RBFOX1: variants seen among roughly 807,000 people sequenced by gnomAD.
RBFOX1 encodes the protein RNA binding protein fox-1 homolog 1.
Under a neutral mutation model 57.7 loss-of-function variants are expected in RBFOX1, and 8 were observed. That is an observed-to-expected ratio of 0.14 (90% CI 0.08 to 0.25). The LOEUF is 0.25. RBFOX1 is among the 10% of genes least tolerant of loss of function. The probability of loss-of-function intolerance (pLI) is 1.00; values close to 1 mark genes in which losing one functional copy is unlikely to be tolerated. For synonymous variants in RBFOX1, 326 were observed against 222.4 expected (o/e 1.47, Z -4.15); for missense variants, 611 against 548.5 (o/e 1.11, Z -1.14).
intron 4 of RBFOX1, among the ~76,000 whole-genome samples, chr16:7,152,924 C>A (rs911461945): frequency 3.3e-5 from 5 of 152,154 alleles, no homozygotes; most frequent in Non-Finnish European, 7.4e-5. Flanking sequence ...TGAGAACAAA[C>A]AAAATCTAGG....
At chr16:7,132,684 A>C (rs1411862911) in intron 4 of RBFOX1, among the ~76,000 whole-genome samples, 1 of 152,160 alleles carries the variant, frequency 6.6e-6, no homozygotes, top group African/African-American at 2.4e-5. Context: ...ACACTTCAGC[A>C]TGGATATTCC....
intron 2 of RBFOX1, among the ~76,000 whole-genome samples, chr16:6,325,648 A>G (rs1035678520): frequency 6.6e-6 from 1 of 152,176 alleles, no homozygotes; most frequent in Non-Finnish European, 1.5e-5. Context: ...AAGACTATGG[A>G]AGTCACAAAG....
intron 4 of RBFOX1, among the ~76,000 whole-genome samples, chr16:7,236,039 G>C (rs73544820): frequency 6.6e-6 from 1 of 152,120 alleles, no homozygotes; most frequent in Non-Finnish European, 1.5e-5. Context: ...TGTATAAATA[G>C]TTCCTCAGAT....
chr16:5,885,301 G>A (rs919343371), intron 4 of RBFOX1, among the ~76,000 whole-genome samples: 14 of 146,070 alleles, frequency 9.6e-5, no homozygotes, highest in East Asian at 4.2e-4. Flanking sequence ...AGAATGTCAC[G>A]TTAGACTCCT....
intron 4 of RBFOX1, among the ~76,000 whole-genome samples, chr16:7,503,032 A>G (rs1392770293): frequency 1.3e-5 from 2 of 152,110 alleles, no homozygotes; most frequent in South Asian, 2.1e-4. Context: ...CAAAAAAAAT[A>G]AATAAATTAT....
At chr16:5,948,230 G>T (rs1343130424) in intron 4 of RBFOX1, among the ~76,000 whole-genome samples, 1 of 152,126 alleles carries the variant, frequency 6.6e-6, no homozygotes, top group African/African-American at 2.4e-5. Context: ...GACCGAGCTG[G>T]GCAGGTGGGT....
chr16:5,599,350 G>T, exon 3 of RBFOX1: 1 of 609,448 alleles, frequency 1.6e-6, no homozygotes, highest in Non-Finnish European at 2.9e-6. Flanking sequence ...TCCTAGTAAG[G>T]ACAGGAATGC....
At chr16:6,877,592 A>G (rs968037288) in intron 3 of RBFOX1, among the ~76,000 whole-genome samples, 4 of 152,172 alleles carry the variant, frequency 2.6e-5, no homozygotes, top group African/African-American at 9.6e-5. Flanking sequence ...GTGTGCAACA[A>G]TAACCGTGTC....
chr16:5,519,107 G>A (rs1196318069), intron 2 of RBFOX1, among the ~76,000 whole-genome samples: 1 of 147,542 alleles, frequency 6.8e-6, no homozygotes, highest in Non-Finnish European at 1.5e-5. Context: ...AAAACCTTGC[G>A]GACATCTTGA....
intron 2 of RBFOX1, among the ~76,000 whole-genome samples, chr16:6,501,459 A>G (rs1254805453): frequency 1.3e-5 from 2 of 151,930 alleles, no homozygotes; most frequent in Non-Finnish European, 2.9e-5. Flanking sequence ...GTCCCTACAA[A>G]GGACATGAAC....
rs1233197182 is a variant in RBFOX1 at position 7,487,579 on chromosome 16, C to G, written c.28-30568C>G. 2.6e-5 allele frequency among the ~76,000 whole-genome samples: 4 copies of G among 152,190 alleles called. No homozygotes were observed. The East Asian group carries it at 7.7e-4, about 29-fold the overall frequency. ...GTTTCAGAATTCTCATCTGCCATCT[C>G]TCTTCCCATGCATGAAGATAAGCAG... On this transcript the variant is annotated intron_variant, in intron 4 of 15. Coordinates refer to ENST00000550418, the MANE Select transcript of RBFOX1 (RefSeq NM_018723.4).
intron 4 of RBFOX1, among the ~76,000 whole-genome samples, chr16:7,233,446 G>T (rs970174507): frequency 1.3e-5 from 2 of 152,110 alleles, no homozygotes; most frequent in Non-Finnish European, 2.9e-5. Context: ...ATTCATGAAG[G>T]CAGCTCTGCT....
rs540798030 is a variant in RBFOX1, at chr16:5,508,562, A to T, written c.258+41308A>T. ...AGTGATTGCACAGAGTGCCACACCC[A>T]AGATGGTGGCGGGGACTGCACAGAG... On this transcript the variant is annotated intron_variant, in intron 2 of 2. Transcript: ENST00000585867. Among the ~76,000 whole-genome samples the T allele has an allele frequency of 2.0e-5, 3 of 152,232 alleles. No individual in the cohort carries two copies. In the East Asian group the frequency reaches 5.8e-4, roughly 29 times the overall value.
chr16:7,009,659 C>T (rs1389896805), intron 3 of RBFOX1, among the ~76,000 whole-genome samples: 2 of 152,096 alleles, frequency 1.3e-5, no homozygotes, highest in Non-Finnish European at 2.9e-5. Flanking sequence ...CACTTGTCAC[C>T]ATAAAGAATA....
intron 1 of RBFOX1, among the ~76,000 whole-genome samples, chr16:5,318,861 G>T (rs1173337257): frequency 1.3e-5 from 2 of 152,214 alleles, no homozygotes; most frequent in African/African-American, 4.8e-5. Context: ...GGTTGGGCAT[G>T]GTGGCTCATG....
At chr16:6,262,754 T>A (rs1226982193) in intron 1 of RBFOX1, among the ~76,000 whole-genome samples, 1 of 152,186 alleles carries the variant, frequency 6.6e-6, no homozygotes, top group African/African-American at 2.4e-5. Flanking sequence ...TGGGATTGTG[T>A]CTTGCTCATC....
At chr16:7,668,713 T>C (rs2070321940) in intron 13 of RBFOX1, among the ~76,000 whole-genome samples, 1 of 152,142 alleles carries the variant, frequency 6.6e-6, no homozygotes, top group South Asian at 2.1e-4. Flanking sequence ...GGAATTTAAT[T>C]TTCATAATGA....
intron 3 of RBFOX1, among the ~76,000 whole-genome samples, chr16:6,728,323 T>G (rs188626052): frequency 3.3e-4 from 50 of 152,292 alleles, no homozygotes; most frequent in African/African-American, 1.2e-3. Context: ...GTGAAAAACG[T>G]AACTTGAGCA....
intron 5 of RBFOX1, among the ~76,000 whole-genome samples, chr16:7,564,624 A>C (rs1272334649): frequency 1.3e-5 from 2 of 148,306 alleles, no homozygotes; most frequent in Admixed American, 1.3e-4. Flanking sequence ...GTTGGCTGGC[A>C]CTTTGATCCT....
Sources: gnomAD v4.1 joint callset for allele counts (sites outside exome capture counted in the v4.1 genomes callset) on GRCh38, gnomAD v4.1.1 for gene constraint, MANE v1.5 for transcripts, NCBI Gene and HGNC (gene_info 2026-07-23, HGNC 2026-07-21) for gene names.